DMRT1: variants seen among roughly 807,000 people sequenced by gnomAD.
The protein encoded by DMRT1 is doublesex- and mab-3-related transcription factor 1.
In DMRT1, 7 loss-of-function variants were observed where a neutral mutation model predicts 32.3. That is an observed-to-expected ratio of 0.22 (90% CI 0.12 to 0.41). The LOEUF is 0.41. DMRT1 is among the 10% of genes least tolerant of loss of function. The pLI, the probability that DMRT1 is intolerant of heterozygous loss-of-function variation, is 1.00. For missense variants in DMRT1, 625 were observed against 500.5 expected (o/e 1.25, Z -2.37); for synonymous variants, 278 against 206.1 (o/e 1.35, Z -2.99).
rs1819894878 is a variant in DMRT1 at position 965,195 on chromosome 9, C to T, written c.968-2790C>T. Among the ~76,000 whole-genome samples the T allele has an allele frequency of 6.6e-6, 1 of 152,152 alleles. No individual in the cohort carries two copies. ...AAAACACACTAAATCTTTTCACGTA[C>T]CTAGAACTCTATGAGGGGCTATACT... On this transcript the variant is annotated intron_variant, in intron 4 of 4. Transcript: ENST00000382276. This position sits in a 1 kb window ranked among gnomAD's most constrained non-coding sequence, Gnocchi z 4.5.
intron 1 of DMRT1, among the ~76,000 whole-genome samples, chr9:845,031 GT>G: frequency 6.6e-6 from 1 of 152,070 alleles, no homozygotes; most frequent in East Asian, 1.9e-4. Flanking sequence ...CTGTAGTTGT[GT>G]TTTTTAATTG....
chr9:850,707 T>A (rs548654856), intron 2 of DMRT1, among the ~76,000 whole-genome samples: 1 of 149,982 alleles, frequency 6.7e-6, no homozygotes, highest in Non-Finnish European at 1.5e-5. Context: ...CAGCTGAGAA[T>A]TTTTAGTGAC....
Position 906,350 on chromosome 9 carries a change from C to T in DMRT1, c.823-10413C>T, listed in dbSNP as rs149190237. 7.5e-3 allele frequency among the ~76,000 whole-genome samples: 1,133 copies of T among 150,236 alleles called. 11 individuals carry two copies. Among genetic ancestry groups the T allele is most frequent in the African/African-American group, 0.026 (1,073 of 41,482 alleles). ...GCTCTCATGTTCTGTGCTCATAAGA[C>T]ACCCTTCACACTGCTGATTTATGCT... On this transcript the variant is annotated intron_variant, in intron 3 of 4. Transcript: ENST00000382276.
chr9:906,766 G>C (rs1817791269), intron 3 of DMRT1, among the ~76,000 whole-genome samples: 1 of 152,178 alleles, frequency 6.6e-6, no homozygotes, highest in Non-Finnish European at 1.5e-5. Flanking sequence ...GCTAAAGGCA[G>C]CAAAGTAGGT....
At chr9:933,332 A>G (rs1274992406) in intron 4 of DMRT1, among the ~76,000 whole-genome samples, 1 of 152,174 alleles carries the variant, frequency 6.6e-6, no homozygotes, top group Non-Finnish European at 1.5e-5. Flanking sequence ...AGGCTTCTAC[A>G]TCCTTAGCAC....
At chr9:937,345 C>A (rs1053814598) in intron 4 of DMRT1, among the ~76,000 whole-genome samples, 1 of 152,178 alleles carries the variant, frequency 6.6e-6, no homozygotes, top group African/African-American at 2.4e-5. Context: ...GCTTTCAGTT[C>A]TTCTGGATAT....
In DMRT1 at chr9:872,202, C is replaced by T. The variant is rs193284945; in HGVS notation, c.539-21710C>T. On this transcript the variant is annotated intron_variant, in intron 2 of 4. Coordinates refer to ENST00000382276, the MANE Select transcript of DMRT1 (RefSeq NM_021951.3). ...TGAGCCTCCCGAGTAGCTGGGATTACAGGCGCCCGCCACCATGCCAGGCTA... is the reference window on the plus strand; with the variant it reads ...TGAGCCTCCCGAGTAGCTGGGATTATAGGCGCCCGCCACCATGCCAGGCTA... Among the ~76,000 whole-genome samples the T allele has an allele frequency of 9.9e-5, 15 of 151,276 alleles. 1 individual carries two copies. The highest frequency in any genetic ancestry group is 3.7e-4 in the African/African-American group (15 of 40,666).
At chr9:861,902 T>C (rs10815901) in intron 2 of DMRT1, among the ~76,000 whole-genome samples, 125,470 of 140,674 alleles carry the variant, frequency 0.89, 56,114 homozygotes, top group Middle Eastern at 0.98. Flanking sequence ...ACATCCCAGA[T>C]GGGGCGGCGG....
At chr9:858,870 A>AAAAAAAATAT (rs1815525305) in intron 2 of DMRT1, among the ~76,000 whole-genome samples, 1 of 48,076 alleles carries the variant, frequency 2.1e-5, no homozygotes, top group African/African-American at 8.3e-5. Context: ...AAAAAAAAAA[A>AAAAAAAATAT]ATATATATAT....
At chr9:855,821 G>A (rs1250843893) in intron 2 of DMRT1, among the ~76,000 whole-genome samples, 1 of 152,108 alleles carries the variant, frequency 6.6e-6, no homozygotes, top group Non-Finnish European at 1.5e-5. Flanking sequence ...ATCTCGCTGT[G>A]TTGCCTAGGC....
intron 3 of DMRT1, among the ~76,000 whole-genome samples, chr9:897,659 GT>G (rs1408139481): frequency 3.3e-5 from 5 of 151,746 alleles, no homozygotes; most frequent in African/African-American, 4.8e-5. Context: ...GTCGTTGTTG[GT>G]TTTTTCCAAT....
chr9:902,858 C>T lies in DMRT1; in HGVS notation c.822+8663C>T, dbSNP rs114205593. Among the ~76,000 whole-genome samples the T allele has an allele frequency of 1.6e-3, 237 of 152,210 alleles. 1 individual carries two copies. The highest frequency in any genetic ancestry group is 5.1e-3 in the African/African-American group (210 of 41,522). ...TCTAGCATTTTGAGGAATTCATTCA[C>T]AGGAACCCCAAGTAGGTTCTGCTGT... On this transcript the variant is annotated intron_variant, in intron 3 of 4. Transcript: ENST00000382276.
intron 2 of DMRT1, among the ~76,000 whole-genome samples, chr9:872,220 C>G (rs750056515): frequency 6.6e-6 from 1 of 151,382 alleles, no homozygotes; most frequent in Non-Finnish European, 1.5e-5. Flanking sequence ...CGCCACCATG[C>G]CAGGCTAATT....
At chr9:861,788 A>G (rs1335061588) in intron 2 of DMRT1, among the ~76,000 whole-genome samples, 2 of 110,998 alleles carry the variant, frequency 1.8e-5, no homozygotes, top group African/African-American at 7.4e-5. Flanking sequence ...CACTTCCCAG[A>G]CGGGGCGGCT....
intron 3 of DMRT1, among the ~76,000 whole-genome samples, chr9:914,466 C>T (rs184614784): frequency 3.3e-4 from 48 of 143,838 alleles, no homozygotes; most frequent in Non-Finnish European, 3.5e-4. Flanking sequence ...CCCAGCTACT[C>T]GGGAGGCTGA....
rs556302577 is a variant in DMRT1, at chr9:950,348, G to A, written c.968-17637G>A. Among the ~76,000 whole-genome samples, 5 of 152,210 alleles carry A rather than the reference G, an allele frequency of 3.3e-5. 1 individual carries two copies. Among genetic ancestry groups the A allele is most frequent in the South Asian group, 4.1e-4 (2 of 4,820 alleles). The stretch of plus-strand genomic sequence containing the variant: ...TCTCTCTGGGTCAGCAGGAGGCAGC[G>A]TGAGGAACACCACCAGCAAGCTTGT... On this transcript the variant is annotated intron_variant, in intron 4 of 4. Coordinates refer to ENST00000382276, the MANE Select transcript of DMRT1 (RefSeq NM_021951.3).
intron 4 of DMRT1, among the ~76,000 whole-genome samples, chr9:944,283 C>A (rs1038532528): frequency 6.6e-6 from 1 of 152,164 alleles, no homozygotes; most frequent in African/African-American, 2.4e-5. Context: ...TGATTTTGAA[C>A]CTGCCACAGT....
intron 4 of DMRT1, among the ~76,000 whole-genome samples, chr9:925,899 C>T (rs1006500913): frequency 2.0e-4 from 30 of 152,160 alleles, no homozygotes; most frequent in African/African-American, 7.2e-4. Flanking sequence ...TCCAAGGCCT[C>T]ACTGGGCTAC....
chr9:879,257 A>AT (rs1311165453), intron 2 of DMRT1, among the ~76,000 whole-genome samples: 4 of 152,216 alleles, frequency 2.6e-5, no homozygotes, highest in African/African-American at 9.7e-5. Context: ...TATGTGGGTT[A>AT]TATCTATCGA....
Sources: gnomAD v4.1 joint callset for allele counts (sites outside exome capture counted in the v4.1 genomes callset) on GRCh38, gnomAD v4.1.1 for gene constraint, Gnocchi (gnomAD v3.1) non-coding constraint, MANE v1.5 for transcripts, NCBI Gene and HGNC (gene_info 2026-07-23, HGNC 2026-07-21) for gene names.